Variants in UBR3 observed in about 807,000 individuals in gnomAD.
UBR3 encodes the protein E3 ubiquitin-protein ligase UBR3.
In UBR3, 85 loss-of-function variants were observed where a neutral mutation model predicts 243.2. The observed-to-expected ratio is 0.35, with a 90% CI of 0.29 to 0.42. UBR3 has a LOEUF of 0.42. Among genes scored for constraint, UBR3 ranks in the 10% least tolerant of loss-of-function variants. The pLI is 1.00. For synonymous variants in UBR3, 748 were observed against 799.8 expected (o/e 0.94, Z 1.09); for missense variants, 1,686 against 2,300.8 (o/e 0.73, Z 5.47).
At chr2:169,971,259 C>T (rs1299416031) in intron 24 of UBR3, among the ~76,000 whole-genome samples, 19 of 150,988 alleles carry the variant, frequency 1.3e-4, no homozygotes, top group Admixed American at 1.3e-3. Flanking sequence ...CGAAAATTTT[C>T]TCCCATTCTG....
intron 3 of UBR3, among the ~76,000 whole-genome samples, chr2:169,877,110 C>T (rs971010592): frequency 1.3e-5 from 2 of 152,196 alleles, no homozygotes; most frequent in Admixed American, 1.3e-4. Context: ...TACGAGAGCA[C>T]AGACTGTCAA....
intron 33 of UBR3, among the ~76,000 whole-genome samples, chr2:170,056,740 T>A (rs1165274789): frequency 5.3e-5 from 8 of 152,210 alleles, no homozygotes; most frequent in Admixed American, 5.2e-4. Context: ...ACCTTCACTG[T>A]TATCATCAGT....
rs1193606899 is a variant in UBR3, at chr2:169,924,099, G to A, written c.1948G>A (p.Glu650Lys). ...TAATTTTTAGGCTGTGAAATGTCAA[G>A]AACTAGATTTGGATTCTGTTTTACC... Reference protein sequence around the residue: ...MFLSKAVKCQELDLDSVLPDQ... With the variant: ...MFLSKAVKCQKLDLDSVLPDQ... The change falls in exon 13 of 39, where the codon GAA becomes AAA. Residue 650 changes from glutamate (E) to lysine (K), a missense_variant. Coordinates refer to ENST00000272793, the MANE Select transcript of UBR3 (RefSeq NM_172070.4). 1 of 1,543,374 alleles carries A rather than the reference G, an allele frequency of 6.5e-7. No individual in the cohort carries two copies. The highest frequency in any genetic ancestry group is 1.4e-5 in the African/African-American group (1 of 72,688).
intron 1 of UBR3, among the ~76,000 whole-genome samples, chr2:169,836,636 T>TAA (rs57218732): frequency 2.8e-5 from 4 of 141,920 alleles, no homozygotes; most frequent in Admixed American, 7.1e-5. Context: ...ATTCAGAACT[T>TAA]AAAAAAAAAA....
intron 35 of UBR3, among the ~76,000 whole-genome samples, chr2:170,064,803 A>ATTTT: frequency 1.1e-5 from 1 of 87,876 alleles, no homozygotes; most frequent in African/African-American, 4.3e-5. Flanking sequence ...TGCTTTTTCT[A>ATTTT]TTTTTTTTTT....
intron 1 of UBR3, among the ~76,000 whole-genome samples, chr2:169,851,882 C>G (rs2082672297): frequency 6.6e-6 from 1 of 151,838 alleles, no homozygotes; most frequent in Non-Finnish European, 1.5e-5. Flanking sequence ...AGCTGGGGCC[C>G]AGGTCTTCTG....
intron 5 of UBR3, among the ~76,000 whole-genome samples, chr2:169,879,366 G>T (rs2083736238): frequency 6.6e-6 from 1 of 152,058 alleles, no homozygotes; most frequent in Admixed American, 6.6e-5. Context: ...TGGAAGTCTT[G>T]TAATTGATTT....
At chr2:169,853,812 T>G (rs1197061147) in intron 1 of UBR3, among the ~76,000 whole-genome samples, 1 of 152,058 alleles carries the variant, frequency 6.6e-6, no homozygotes, top group East Asian at 1.9e-4. Context: ...TTTTTAAATC[T>G]GCATGCATTT....
intron 30 of UBR3, among the ~76,000 whole-genome samples, chr2:170,025,712 TG>T (rs1389231990): frequency 2.0e-5 from 3 of 152,000 alleles, no homozygotes; most frequent in Non-Finnish European, 2.9e-5. Context: ...AGTGGCAGAG[TG>T]GTCCAGAATA....
intron 20 of UBR3, among the ~76,000 whole-genome samples, chr2:169,945,067 C>T (rs2086734289): frequency 6.6e-6 from 1 of 152,034 alleles, no homozygotes; most frequent in South Asian, 2.1e-4. Context: ...CTATACAAAG[C>T]AAATGACAGA....
At position 169,999,782 on chromosome 2, in the gene UBR3, A is replaced by G. The variant is rs1249842349; in HGVS notation, c.3919-1522A>G. 5.3e-5 allele frequency among the ~76,000 whole-genome samples: 8 copies of G among 152,106 alleles called. No individual in the cohort carries two copies. In the East Asian group the frequency reaches 1.5e-3, roughly 29 times the overall value. ...AGGGAGGAATTAGCAATGAAAGCGA[A>G]GTTGAAGATGTAAAAGAGAAAGGAA... On this transcript the variant is annotated intron_variant, in intron 26 of 38. Coordinates refer to ENST00000272793, the MANE Select transcript of UBR3 (RefSeq NM_172070.4).
chr2:169,925,332 T>C (rs1409620579), intron 13 of UBR3, among the ~76,000 whole-genome samples: 1 of 152,220 alleles, frequency 6.6e-6, no homozygotes, highest in Admixed American at 6.5e-5. Flanking sequence ...AACATAAGCA[T>C]TGATTTCTTA....
chr2:170,023,637 G>C (rs2090450327), intron 30 of UBR3, among the ~76,000 whole-genome samples: 1 of 152,048 alleles, frequency 6.6e-6, no homozygotes, highest in Admixed American at 6.6e-5. Context: ...CTGTCACCCA[G>C]GCTGGAGTCC....
chr2:169,901,530 C>G (rs116070948), intron 8 of UBR3, among the ~76,000 whole-genome samples: 1,659 of 152,238 alleles, frequency 0.011, 14 homozygotes, highest in Middle Eastern at 0.044. Context: ...CATAACTAGC[C>G]ACGGATATTA....
chr2:169,880,503 T>A (rs976918816), intron 5 of UBR3, among the ~76,000 whole-genome samples: 1 of 152,194 alleles, frequency 6.6e-6, no homozygotes, highest in Non-Finnish European at 1.5e-5. Flanking sequence ...GCCTGAACTC[T>A]CCAGATTAGC....
intron 24 of UBR3, among the ~76,000 whole-genome samples, chr2:169,984,686 A>G (rs1200567063): frequency 6.6e-6 from 1 of 152,180 alleles, no homozygotes; most frequent in Non-Finnish European, 1.5e-5. Context: ...TCAACCATAT[A>G]TTACCAATAA....
At chr2:170,075,847 CTTTG>C (rs890744608) in intron 36 of UBR3, among the ~76,000 whole-genome samples, 27 of 149,884 alleles carry the variant, frequency 1.8e-4, no homozygotes, top group African/African-American at 5.6e-4. Flanking sequence ...AGTTAAGATT[CTTTG>C]TTTGGGAACA....
chr2:169,834,765 T>C lies in UBR3; in HGVS notation c.545+6713T>C, dbSNP rs191593185. 9.2e-5 allele frequency among the ~76,000 whole-genome samples: 14 copies of C among 152,342 alleles called. No homozygotes were observed. In the East Asian group the frequency reaches 2.5e-3, roughly 27 times the overall value. On this transcript the variant is annotated intron_variant, in intron 1 of 38. Coordinates refer to ENST00000272793, the MANE Select transcript of UBR3 (RefSeq NM_172070.4). ...TGTGAACTCTAAAACATAACTCAAA[T>C]GTCCATCAGCAGATGAATGGGTAAG...
In UBR3 at chr2:169,868,340, T is replaced by A. The variant is rs569009831; in HGVS notation, c.546-3896T>A. Among the ~76,000 whole-genome samples the A allele has an allele frequency of 2.8e-4, 42 of 152,362 alleles. No homozygotes were observed. In the South Asian group the frequency reaches 5.8e-3, roughly 21 times the overall value. ...TAAAAGACAGGGAATTTACTTTTTT[T>A]AAATTTTTTATTTTTATTTAAGACA... On this transcript the variant is annotated intron_variant, in intron 1 of 38. Transcript: ENST00000272793.
Sources: gnomAD v4.1 joint callset for allele counts (sites outside exome capture counted in the v4.1 genomes callset) on GRCh38, gnomAD v4.1.1 for gene constraint, MANE v1.5 for transcripts, NCBI Gene and HGNC (gene_info 2026-07-23, HGNC 2026-07-21) for gene names.